The following ANKRD11 variants were observed in gnomAD, a reference collection of about 807,000 sequenced individuals.
The protein encoded by ANKRD11 is ankyrin repeat domain 11.
In ANKRD11, 17 loss-of-function variants were observed where a neutral mutation model predicts 195.7. That is an observed-to-expected ratio of 0.09 (90% CI 0.06 to 0.13). The LOEUF (loss-of-function observed/expected upper bound fraction) is 0.13, where lower values mean the gene tolerates loss of function less well. Ranked by LOEUF, ANKRD11 falls within the 10% of genes least tolerant of loss-of-function variation. ANKRD11 has a pLI of 1.00. For synonymous variants in ANKRD11, 1,953 were observed against 1,528.1 expected (o/e 1.28, Z -6.49); for missense variants, 3,735 against 3,566.1 (o/e 1.05, Z -1.21).
intron 1 of ANKRD11, among the ~76,000 whole-genome samples, chr16:89,424,452 A>G (rs1262415044): frequency 6.6e-6 from 1 of 151,166 alleles, no homozygotes; most frequent in South Asian, 2.1e-4. Context: ...AAAAAAAAAA[A>G]AGAGAGAGAA....
chr16:89,330,439 G>A (rs537276677), intron 2 of ANKRD11, among the ~76,000 whole-genome samples: 22 of 152,252 alleles, frequency 1.4e-4, no homozygotes, highest in African/African-American at 5.3e-4. Flanking sequence ...TCTGGCAGAA[G>A]GCCCAAATTC....
intron 3 of ANKRD11, among the ~76,000 whole-genome samples, chr16:89,309,376 G>A (rs867402767): frequency 1.1e-4 from 17 of 152,302 alleles, no homozygotes; most frequent in African/African-American, 3.8e-4. Context: ...GTGACTTTTC[G>A]AATGGGGAAC....
In ANKRD11 at chr16:89,384,874, GTTTTCTTTT is replaced by G. The variant is rs1339544010; in HGVS notation, c.-60+33401_-60+33409del. ...GTGTGGGAGCACACAATGAGAAATA[GTTTTCTTTT>G]TTTTTTTTTTTTTTTTTTTTTTTTG... On this transcript the variant is annotated intron_variant, in intron 2 of 12. Coordinates refer to ENST00000301030, the MANE Select transcript of ANKRD11 (RefSeq NM_013275.6). 1.0e-3 allele frequency among the ~76,000 whole-genome samples: 74 copies of G among 72,750 alleles called. 1 individual carries two copies. The highest frequency in any genetic ancestry group is 4.1e-3 in the African/African-American group (72 of 17,760). 47.7% of individuals were successfully genotyped at this position (72,750 alleles called of 152,430 possible).
At chr16:89,473,649 A>C (rs1209181504) in intron 1 of ANKRD11, among the ~76,000 whole-genome samples, 1 of 152,212 alleles carries the variant, frequency 6.6e-6, no homozygotes, top group Non-Finnish European at 1.5e-5. Context: ...CTGATACGTC[A>C]TGGAGGAGAG....
intron 9 of ANKRD11, chr16:89,277,871 G>C (rs981809592): frequency 8.4e-5 from 13 of 155,628 alleles, no homozygotes; most frequent in Admixed American, 6.2e-4. Flanking sequence ...CTCACCAGGG[G>C]GGTGCTGGGT....
At chr16:89,316,031 G>GA (rs1179672668) in intron 3 of ANKRD11, among the ~76,000 whole-genome samples, 3 of 152,268 alleles carry the variant, frequency 2.0e-5, no homozygotes, top group East Asian at 3.9e-4. Flanking sequence ...CCGAGGGTCA[G>GA]ACAGGTCACA....
Position 89,279,833 on chromosome 16 carries a change from A to C in ANKRD11, c.6709T>G (p.Ser2237Ala), listed in dbSNP as rs1054443690. 1 of 1,547,218 alleles carries C rather than the reference A, an allele frequency of 6.5e-7. No individual in the cohort carries two copies. Among genetic ancestry groups the C allele is most frequent in the South Asian group, 1.2e-5 (1 of 84,556 alleles). Residue 2237 changes from serine to alanine, a missense_variant, in exon 9 of 13, where the codon TCC becomes GCC. Ser to Ala is a moderately conservative substitution (Grantham distance 99, BLOSUM62 1). Coordinates refer to ENST00000301030, the MANE Select transcript of ANKRD11 (RefSeq NM_013275.6). The surrounding 1 kb of genome is among the most constrained non-coding windows in gnomAD (Gnocchi z 5.6). ...GGAACGGGCGCGGGCTCCACGCTGG[A>C]GTCCGGATCCCCACGGGCCCTCTCT... is the stretch of plus-strand genomic sequence containing the variant. ...PEERARGDPD[S>A]SVEPAPVPPE...
intron 2 of ANKRD11, among the ~76,000 whole-genome samples, chr16:89,328,545 A>T (rs2037858206): frequency 6.6e-6 from 1 of 150,818 alleles, no homozygotes; most frequent in Non-Finnish European, 1.5e-5. Flanking sequence ...CGTATGGGTG[A>T]ATCTGCAGAG....
At chr16:89,273,116 CAATAGT>C in intron 11 of ANKRD11, 1 of 150,628 alleles carries the variant, frequency 6.6e-6, no homozygotes, top group East Asian at 2.0e-4. Context: ...TAACTGTAGT[CAATAGT>C]AACTGCATTG....
intron 2 of ANKRD11, among the ~76,000 whole-genome samples, chr16:89,405,491 ATTTTTTTTTT>A (rs60792139): frequency 9.0e-6 from 1 of 111,474 alleles, no homozygotes; most frequent in Non-Finnish European, 1.8e-5. Context: ...CACCTGGCTC[ATTTTTTTTTT>A]TTTTTTTTTT....
chr16:89,383,656 C>G (rs1054256410), intron 2 of ANKRD11, among the ~76,000 whole-genome samples: 2 of 152,106 alleles, frequency 1.3e-5, no homozygotes, highest in Admixed American at 6.5e-5. Flanking sequence ...AGACGTCGAG[C>G]CCCTACCCTC....
At chr16:89,436,965 C>T (rs2043241057) in intron 1 of ANKRD11, among the ~76,000 whole-genome samples, 1 of 152,148 alleles carries the variant, frequency 6.6e-6, no homozygotes, top group Non-Finnish European at 1.5e-5. Flanking sequence ...AAGTAGGAAA[C>T]TCAAAGTAGT....
At chr16:89,349,036 G>C (rs1021069636) in intron 2 of ANKRD11, among the ~76,000 whole-genome samples, 3 of 143,554 alleles carry the variant, frequency 2.1e-5, no homozygotes, top group Admixed American at 1.5e-4. Context: ...GCTGAGGCAG[G>C]ATAATCGCTT....
chr16:89,451,137 G>A (rs757281455), intron 1 of ANKRD11, among the ~76,000 whole-genome samples: 2 of 152,178 alleles, frequency 1.3e-5, no homozygotes, highest in African/African-American at 2.4e-5. Context: ...TTGGTCCTCT[G>A]TAGAAAAAGT....
intron 9 of ANKRD11, chr16:89,278,411 G>C (rs1478308799): frequency 7.3e-6 from 3 of 412,584 alleles, no homozygotes; most frequent in African/African-American, 2.0e-5. Context: ...GGCCCCATTT[G>C]GAGGGATCTA....
intron 1 of ANKRD11, among the ~76,000 whole-genome samples, chr16:89,489,726 G>A (rs1432377420): frequency 2.0e-5 from 3 of 146,552 alleles, no homozygotes; most frequent in Non-Finnish European, 4.6e-5. Flanking sequence ...CCCAAGACCT[G>A]CAGGCCCGCC....
chr16:89,274,734 G>A (rs1567543712), intron 11 of ANKRD11, 80 bp downstream of exon 11: 1 of 1,589,074 alleles, frequency 6.3e-7, no homozygotes, highest in Non-Finnish European at 8.5e-7. Flanking sequence ...TGGTCAAAGT[G>A]CAGAATCTAT....
chr16:89,320,533 G>C (rs561681910), intron 2 of ANKRD11, among the ~76,000 whole-genome samples: 1 of 152,180 alleles, frequency 6.6e-6, no homozygotes, highest in African/African-American at 2.4e-5. Flanking sequence ...ACCGCCCCCA[G>C]GCCACGCATT....
At chr16:89,447,986 G>C (rs530987693) in intron 1 of ANKRD11, among the ~76,000 whole-genome samples, 4 of 151,774 alleles carry the variant, frequency 2.6e-5, no homozygotes, top group African/African-American at 7.2e-5. Flanking sequence ...TGTATTTTTA[G>C]TAGAGACAGG....
Sources: allele counts gnomAD v4.1 joint callset (sites outside exome capture counted in the v4.1 genomes callset), GRCh38; gene constraint gnomAD v4.1.1; non-coding constraint Gnocchi (gnomAD v3.1); transcripts MANE v1.5; gene names NCBI Gene and HGNC (gene_info 2026-07-23, HGNC 2026-07-21).